MARF1: variants seen among roughly 807,000 people sequenced by gnomAD.
MARF1 encodes limkain-b1.
In MARF1, 24 loss-of-function variants were observed where a neutral mutation model predicts 168.2. The ratio of observed to expected loss-of-function variants is 0.14; its 90% CI spans 0.10 to 0.20. The LOEUF (loss-of-function observed/expected upper bound fraction) is 0.20, where lower values mean the gene tolerates loss of function less well. Ranked by LOEUF, MARF1 falls within the 10% of genes least tolerant of loss-of-function variation. The pLI, the probability that MARF1 is intolerant of heterozygous loss-of-function variation, is 1.00. For missense variants in MARF1, 1,744 were observed against 2,143.6 expected (o/e 0.81, Z 3.68); for synonymous variants, 868 against 822.4 (o/e 1.06, Z -0.95).
In MARF1 at chr16:15,615,987, A is replaced by G; in HGVS notation, c.3096T>C (p.Ile1032=). The G allele has an allele frequency of 6.6e-7, 1 of 1,520,486 alleles. No homozygotes were observed. Among genetic ancestry groups the G allele is most frequent in the Non-Finnish European group, 8.8e-7 (1 of 1,130,008 alleles). 94.2% of individuals were successfully genotyped at this position (1,520,486 alleles called of 1,614,324 possible). ...VPLLSFPDCY[I]AEFGDLEVVQ... is the part of the protein sequence containing the mutation. ...CTACTTCTAGATCGCCAAACTCTGC[A>G]ATGTAACAATCTGGAAAGCTGAAAT... The change falls in exon 16 of 27, where the codon ATT becomes ATC. Residue 1032 remains isoleucine, a synonymous_variant. Coordinates refer to ENST00000396368, the MANE Select transcript of MARF1 (RefSeq NM_014647.4).
In MARF1 at chr16:15,635,827, G is replaced by C. The variant is rs777312497; in HGVS notation, c.660C>G (p.Ser220=). The C allele has an allele frequency of 1.2e-6, 2 of 1,614,216 alleles. No homozygotes were observed. Among genetic ancestry groups the C allele is most frequent in the African/African-American group, 1.3e-5 (1 of 75,054 alleles). The change falls in exon 3 of 27, where the codon TCC becomes TCG. Residue 220 remains serine, a synonymous_variant. Coordinates refer to ENST00000396368, the MANE Select transcript of MARF1 (RefSeq NM_014647.4). The part of the protein sequence containing the change: ...HQFPSLQGCT[S]AGYFPCSDFT... ...AATCAGAACAGGGGAAATAGCCAGC[G>C]GAGGTGCAGCCCTGCAGACTCGGAA...
intron 16 of MARF1, among the ~76,000 whole-genome samples, chr16:15,614,906 T>G (rs1417859207): frequency 1.3e-5 from 2 of 152,082 alleles, no homozygotes; most frequent in African/African-American, 4.8e-5. Flanking sequence ...TGCCTCAGCC[T>G]CCCGAGTAGC....
At chr16:15,615,686 A>T in intron 16 of MARF1, 144 bp downstream of exon 16, 1 of 496,250 alleles carries the variant, frequency 2.0e-6, no homozygotes, top group Non-Finnish European at 3.4e-6. Context: ...CAAGCATTTT[A>T]GGAATTTTCA....
In MARF1 at chr16:15,635,959, A is replaced by T. The variant is rs374676888; in HGVS notation, c.528T>A (p.Phe176Leu). ...GGTTACTCTCTAGACACATGCTGGG[A>T]AAGTCACTTGCAATGCCTGCCAAAT... ...RNNLAGIASDFPSMCLESNLS... is the reference protein window; with the variant it reads ...RNNLAGIASDLPSMCLESNLS... The change falls in exon 3 of 27, where the codon TTT becomes TTA. Residue 176 changes from phenylalanine to leucine, a missense_variant. Phe to Leu is a conservative substitution (Grantham distance 22). Transcript: ENST00000396368. 3.8e-5 allele frequency: 61 copies of T among 1,614,052 alleles called. No individual in the cohort carries two copies. The highest frequency in any genetic ancestry group is 5.2e-5 in the Non-Finnish European group (61 of 1,180,040).
rs779328051 is a variant in MARF1 at position 15,609,538 on chromosome 16, T to C, written c.3939A>G (p.Ile1313Met). 6 of 1,613,594 alleles carry C rather than the reference T, an allele frequency of 3.7e-6. No individual in the cohort carries two copies. The highest frequency in any genetic ancestry group is 5.1e-6 in the Non-Finnish European group (6 of 1,179,506). The change falls in exon 20 of 27, where the codon ATA becomes ATG. Residue 1313 changes from isoleucine (I) to methionine (M), a missense_variant. Physicochemically the swap from Ile to Met is conservative, Grantham distance 10 (BLOSUM62 1). Coordinates refer to ENST00000396368, the MANE Select transcript of MARF1 (RefSeq NM_014647.4). Reference protein sequence around the residue: ...FTKLLELFEAIPDTLQVLECG... With the variant: ...FTKLLELFEAMPDTLQVLECG... Reference sequence around the variant, plus strand: ...CTTCACTCACTTGTAAAGTATCAGGTATGGCTTCAAAAAGTTCAAGTAGTT... The same window carrying C: ...CTTCACTCACTTGTAAAGTATCAGGCATGGCTTCAAAAAGTTCAAGTAGTT...
intron 21 of MARF1, among the ~76,000 whole-genome samples, chr16:15,607,183 C>T (rs571615029): frequency 5.3e-5 from 8 of 152,292 alleles, no homozygotes; most frequent in Admixed American, 5.2e-4. Context: ...CAATCAGTAC[C>T]TAAGGAGAGC....
intron 23 of MARF1, chr16:15,601,128 T>C (rs2032379884): frequency 4.3e-6 from 2 of 460,646 alleles, no homozygotes; most frequent in Admixed American, 2.3e-5. Flanking sequence ...CTCTCCCTGA[T>C]GGTGCCGCTC....
chr16:15,611,792 G>A, intron 17 of MARF1, 58 bp from the exon 18 acceptor site: 1 of 1,470,400 alleles, frequency 6.8e-7, no homozygotes, highest in Non-Finnish European at 9.4e-7. Flanking sequence ...CGACTTCCTT[G>A]CTGCTGGCTC....
rs754526660 is a variant in MARF1 at position 15,635,994 on chromosome 16, C to G, written c.493G>C (p.Ala165Pro). Reference sequence around the variant, plus strand: ...GCAATGCCTGCCAAATTGTTCCTAGCTGAGGCATTCTGGAGTGAAGATGCA... The same window carrying G: ...GCAATGCCTGCCAAATTGTTCCTAGGTGAGGCATTCTGGAGTGAAGATGCA... Reference protein sequence around the residue: ...QSASSLQNASARNNLAGIASD... With the variant: ...QSASSLQNASPRNNLAGIASD... Residue 165 changes from alanine to proline, a missense_variant, in exon 3 of 27, where the codon GCT (alanine) becomes CCT (proline). Ala to Pro is a conservative substitution (Grantham distance 27). Around this residue, in one of 7 missense-constraint regions of MARF1, gnomAD observed 318 missense variants for 336.6 expected, o/e 0.94. Coordinates refer to ENST00000396368, the MANE Select transcript of MARF1 (RefSeq NM_014647.4). 1 of 1,614,072 alleles carries G rather than the reference C, an allele frequency of 6.2e-7. No individual in the cohort carries two copies. The highest frequency in any genetic ancestry group is 1.3e-5 in the African/African-American group (1 of 74,922).
At chr16:15,621,377 C>A (rs1191706861) in intron 12 of MARF1, 2 of 235,744 alleles carry the variant, frequency 8.5e-6, no homozygotes, top group Non-Finnish European at 1.6e-5. Context: ...ATTTGTAGAT[C>A]TAGTCTTTAC....
chr16:15,637,111 A>AAGTTGATT, intron 2 of MARF1, among the ~76,000 whole-genome samples: 1 of 152,356 alleles, frequency 6.6e-6, no homozygotes, highest in Non-Finnish European at 1.5e-5. Context: ...CAATAGTTGT[A>AAGTTGATT]TGACCTTGGG....
Position 15,596,470 on chromosome 16 carries a change from C to T in MARF1, c.*223G>A. 1 of 392,446 alleles carries T rather than the reference C, an allele frequency of 2.5e-6. No individual in the cohort carries two copies. The highest frequency in any genetic ancestry group is 6.6e-4 in the Middle Eastern group (1 of 1,506). 24.3% of individuals were successfully genotyped at this position (392,446 alleles called of 1,614,324 possible). A position where few individuals can be genotyped will look rare whatever the true frequency, so the allele number is the denominator to read the frequency against. ...GATTCTTTAACAAATGCCACAAGTT[C>T]TTCAAATAATTGAAAAAAGAAAGAA... On this transcript the variant is annotated 3_prime_UTR_variant, in exon 27 of 27. Transcript: ENST00000396368.
intron 13 of MARF1, 38 bp downstream of exon 13, chr16:15,620,413 A>T: frequency 7.7e-7 from 1 of 1,301,770 alleles, no homozygotes; most frequent in Non-Finnish European, 1.1e-6. Context: ...GCCACCAATC[A>T]GTACTGACTG....
At chr16:15,613,183 A>G (rs1015138975) in intron 16 of MARF1, among the ~76,000 whole-genome samples, 1 of 152,190 alleles carries the variant, frequency 6.6e-6, no homozygotes, top group Non-Finnish European at 1.5e-5. Flanking sequence ...GGCCCAGAAG[A>G]GCAAAATTAA....
chr16:15,611,186 C>A, intron 18 of MARF1, 78 bp from the exon 19 acceptor site: 1 of 1,421,912 alleles, frequency 7.0e-7, no homozygotes, highest in Non-Finnish European at 9.8e-7. Flanking sequence ...CGGCCGGGCG[C>A]TGGGGCTCAC....
intron 15 of MARF1, 149 bp from the exon 16 acceptor site, chr16:15,616,154 A>C: frequency 1.7e-6 from 1 of 586,618 alleles, no homozygotes; most frequent in Middle Eastern, 5.0e-4. Flanking sequence ...AAAATTAAGG[A>C]CCCAGGGAGG....
chr16:15,636,421 C>G (rs2035603989), intron 2 of MARF1, 79 bp from the exon 3 acceptor site: 1 of 998,850 alleles, frequency 1.0e-6, no homozygotes, highest in Admixed American at 2.7e-5. Flanking sequence ...ACTGCATGCA[C>G]AAACAGAAAT....
intron 3 of MARF1, chr16:15,635,294 C>T (rs567612656): frequency 5.1e-6 from 2 of 389,212 alleles, no homozygotes; most frequent in Non-Finnish European, 9.2e-6. Context: ...TGCAAAAAGA[C>T]AACATGCAGT....
chr16:15,639,039 C>A, intron 2 of MARF1, 51 bp downstream of exon 2: 1 of 1,568,670 alleles, frequency 6.4e-7, no homozygotes, highest in Non-Finnish European at 8.7e-7. Context: ...GGACCTCTCT[C>A]ATCTATTTGG....
Sources: gnomAD v4.1 joint callset for allele counts (sites outside exome capture counted in the v4.1 genomes callset) on GRCh38, gnomAD v4.1.1 for gene constraint, gnomAD v4.1.1 regional missense constraint, MANE v1.5 for transcripts, NCBI Gene and HGNC (gene_info 2026-07-23, HGNC 2026-07-21) for gene names.